JAZF1: variants seen among roughly 807,000 people sequenced by gnomAD.
JAZF1 encodes JAZF zinc finger 1, also known as juxtaposed with another zinc finger protein 1.
Under a neutral mutation model 26.4 loss-of-function variants are expected in JAZF1, and 8 were observed. The ratio of observed to expected loss-of-function variants is 0.30; its 90% CI spans 0.18 to 0.55. The LOEUF is 0.55. Ranked by LOEUF, JAZF1 falls within the 20% of genes least tolerant of loss-of-function variation. The probability of loss-of-function intolerance (pLI) is 0.94; values close to 1 mark genes in which losing one functional copy is unlikely to be tolerated. For missense variants in JAZF1, 199 were observed against 322.0 expected, an observed-to-expected ratio of 0.62 and a Z score of 2.92; for synonymous variants, 126 against 122.3, an observed-to-expected ratio of 1.03 and a Z score of -0.20.
At chr7:28,044,162 T>TA (rs938377197) in intron 1 of JAZF1, among the ~76,000 whole-genome samples, 26 of 152,014 alleles carry the variant, frequency 1.7e-4, no homozygotes, top group Admixed American at 1.1e-3. Flanking sequence ...TCACCTCTAC[T>TA]AAAAAAAATG....
chr7:27,842,893 G>C (rs1375276065), intron 3 of JAZF1: 1 of 152,188 alleles, frequency 6.6e-6, no homozygotes, highest in Non-Finnish European at 1.5e-5. Context: ...ATTTAGAATG[G>C]GGGGAGGGTG....
At chr7:28,059,844 T>C (rs1243920598) in intron 1 of JAZF1, among the ~76,000 whole-genome samples, 1 of 152,234 alleles carries the variant, frequency 6.6e-6, no homozygotes, top group Non-Finnish European at 1.5e-5. Context: ...CTTTGAAAGC[T>C]ACATGTCTTT....
intron 3 of JAZF1, among the ~76,000 whole-genome samples, chr7:27,885,540 G>A (rs931123156): frequency 8.5e-5 from 13 of 152,146 alleles, no homozygotes; most frequent in Non-Finnish European, 1.9e-4. Context: ...TAGGAGTTCC[G>A]TACGTATTCT....
At chr7:27,922,666 A>C (rs369386107) in intron 2 of JAZF1, among the ~76,000 whole-genome samples, 120 of 140,630 alleles carry the variant, frequency 8.5e-4, no homozygotes, top group African/African-American at 2.8e-3. Context: ...AACAGCTTTT[A>C]ATAATGGGTT....
At chr7:28,095,875 T>A (rs1784375282) in intron 1 of JAZF1, among the ~76,000 whole-genome samples, 1 of 152,240 alleles carries the variant, frequency 6.6e-6, no homozygotes, top group South Asian at 2.1e-4. Flanking sequence ...AGGCCTTGCT[T>A]CCTGGCTCAT....
chr7:27,984,176 AC>A (rs1233562172), intron 2 of JAZF1, among the ~76,000 whole-genome samples: 1 of 152,186 alleles, frequency 6.6e-6, no homozygotes, highest in Non-Finnish European at 1.5e-5. Context: ...AAAAGTCAAG[AC>A]CCATCAGTGT....
At chr7:27,896,246 C>A (rs1784061039) in intron 2 of JAZF1, among the ~76,000 whole-genome samples, 1 of 152,286 alleles carries the variant, frequency 6.6e-6, no homozygotes, top group East Asian at 1.9e-4. Flanking sequence ...AAACTTTGTT[C>A]TTTTCTCACT....
chr7:28,092,868 A>T (rs947000588), intron 1 of JAZF1, among the ~76,000 whole-genome samples: 1 of 152,178 alleles, frequency 6.6e-6, no homozygotes, highest in East Asian at 1.9e-4. Flanking sequence ...TTCGAAAAAA[A>T]AAAGAAAGAA....
At chr7:28,130,423 C>T (rs1179114746) in intron 1 of JAZF1, among the ~76,000 whole-genome samples, 1 of 152,142 alleles carries the variant, frequency 6.6e-6, no homozygotes, top group African/African-American at 2.4e-5. Flanking sequence ...ACAGAATGCA[C>T]TCATCATAAA....
At chr7:27,974,331 C>T (rs1265486416) in intron 2 of JAZF1, among the ~76,000 whole-genome samples, 6 of 152,092 alleles carry the variant, frequency 3.9e-5, no homozygotes, top group Non-Finnish European at 1.5e-5. Context: ...GAGAGGCCAC[C>T]GCTTTTATGG....
intron 2 of JAZF1, among the ~76,000 whole-genome samples, chr7:27,975,481 C>T (rs1320402149): frequency 6.6e-6 from 1 of 152,074 alleles, no homozygotes. Flanking sequence ...GGGCTGAGAC[C>T]CTAGAGGTCT....
At chr7:27,889,163 C>T (rs1378551789) in intron 3 of JAZF1, among the ~76,000 whole-genome samples, 1 of 152,184 alleles carries the variant, frequency 6.6e-6, no homozygotes, top group Non-Finnish European at 1.5e-5. Flanking sequence ...TCCCAATGCC[C>T]AAGCCCCACC....
chr7:27,893,101 CA>C (rs1456155863), intron 3 of JAZF1, among the ~76,000 whole-genome samples: 3 of 152,158 alleles, frequency 2.0e-5, no homozygotes, highest in African/African-American at 7.2e-5. Flanking sequence ...GTCCCCTAAT[CA>C]GAGCAACTAA....
At chr7:28,135,830 T>C (rs1263044942) in intron 1 of JAZF1, among the ~76,000 whole-genome samples, 1 of 152,140 alleles carries the variant, frequency 6.6e-6, no homozygotes, top group Non-Finnish European at 1.5e-5. Context: ...GGTATAAACA[T>C]AAAATTCTGT....
chr7:28,070,484 T>G (rs368669084), intron 1 of JAZF1, among the ~76,000 whole-genome samples: 6 of 152,352 alleles, frequency 3.9e-5, no homozygotes, highest in African/African-American at 1.4e-4. Flanking sequence ...TTAAAACTAT[T>G]TGGACCCTCC....
intron 1 of JAZF1, among the ~76,000 whole-genome samples, chr7:28,091,118 G>A (rs1009313582): frequency 2.1e-4 from 32 of 152,054 alleles, no homozygotes; most frequent in African/African-American, 7.0e-4. Context: ...GAGCCACCGC[G>A]CCCGGCCTTT....
intron 3 of JAZF1, among the ~76,000 whole-genome samples, chr7:27,865,840 A>C (rs1456488462): frequency 6.6e-6 from 1 of 152,236 alleles, no homozygotes; most frequent in Non-Finnish European, 1.5e-5. Flanking sequence ...AGTATGCAGA[A>C]GATTCCCAGC....
At chr7:28,041,113 G>A (rs972388806) in intron 1 of JAZF1, among the ~76,000 whole-genome samples, 4 of 152,148 alleles carry the variant, frequency 2.6e-5, no homozygotes, top group African/African-American at 7.2e-5. Context: ...TAAAATGTGT[G>A]TAATCAGAGA....
intron 1 of JAZF1, among the ~76,000 whole-genome samples, chr7:28,036,710 GCTTTTAC>G (rs1783300555): frequency 1.3e-5 from 2 of 152,182 alleles, no homozygotes; most frequent in Admixed American, 1.3e-4. Flanking sequence ...TGGGTTAGTG[GCTTTTAC>G]CTCCCTTTAT....
Sources: allele counts gnomAD v4.1 joint callset (sites outside exome capture counted in the v4.1 genomes callset), GRCh38; gene constraint gnomAD v4.1.1; transcripts MANE v1.5; gene names NCBI Gene and HGNC (gene_info 2026-07-23, HGNC 2026-07-21).